Variants in LYRM4 observed in about 807,000 individuals in gnomAD.
LYRM4 encodes LYR motif containing 4.
A neutral mutation model predicts 11.7 loss-of-function variants in LYRM4; 9 were observed. The observed-to-expected ratio is 0.77, with a 90% CI of 0.46 to 1.34. LYRM4 has a LOEUF of 1.34. Ranked by LOEUF, LYRM4 falls within the 40% of genes most tolerant of loss-of-function variation. The pLI is 0.00. For missense variants in LYRM4, 133 were observed against 112.5 expected, an observed-to-expected ratio of 1.18 and a Z score of -0.82; for synonymous variants, 42 against 40.4, an observed-to-expected ratio of 1.04 and a Z score of -0.15.
intron 2 of LYRM4, among the ~76,000 whole-genome samples, chr6:5,206,167 G>A (rs1761684913): frequency 6.6e-6 from 1 of 152,170 alleles, no homozygotes. Flanking sequence ...CATTCACCAG[G>A]GTGTTTCTGG....
chr6:5,206,378 C>A (rs775835968), intron 2 of LYRM4, among the ~76,000 whole-genome samples: 1 of 152,226 alleles, frequency 6.6e-6, no homozygotes, highest in South Asian at 2.1e-4. Flanking sequence ...TTATTGGGCC[C>A]CCATGGCCTA....
chr6:5,144,333 C>G (rs1032409646), intron 2 of LYRM4: 4 of 1,519,250 alleles, frequency 2.6e-6, no homozygotes, highest in Non-Finnish European at 3.5e-6. Context: ...AAGTGGCTTA[C>G]GTGTAAGAAA....
At chr6:5,239,485 G>A (rs1763741691) in intron 1 of LYRM4, among the ~76,000 whole-genome samples, 1 of 152,014 alleles carries the variant, frequency 6.6e-6, no homozygotes, top group Non-Finnish European at 1.5e-5. Flanking sequence ...ATGAGTTGTG[G>A]GCATCTAGGG....
chr6:5,047,710 C>A, the LYRM4 span, among the ~76,000 whole-genome samples: 1 of 152,012 alleles, frequency 6.6e-6, no homozygotes, highest in Non-Finnish European at 1.5e-5. Flanking sequence ...GTGACATATT[C>A]AAAAAACCAA....
At chr6:5,155,358 G>C (rs1387381842) in intron 2 of LYRM4, among the ~76,000 whole-genome samples, 1 of 152,218 alleles carries the variant, frequency 6.6e-6, no homozygotes, top group Non-Finnish European at 1.5e-5. Context: ...TGGGATTACA[G>C]GTGTGAGCCT....
intron 1 of LYRM4, among the ~76,000 whole-genome samples, chr6:5,230,090 A>G (rs1763143468): frequency 6.6e-6 from 1 of 152,254 alleles, no homozygotes; most frequent in African/African-American, 2.4e-5. Flanking sequence ...TTAGGCATGC[A>G]GATCAAGCAG....
chr6:5,250,484 C>T (rs988104492), intron 1 of LYRM4, among the ~76,000 whole-genome samples: 1 of 151,934 alleles, frequency 6.6e-6, no homozygotes, highest in Non-Finnish European at 1.5e-5. Context: ...TTTTTTGAAA[C>T]CATTATCATT....
chr6:5,062,081 CTTT>C, the LYRM4 span, among the ~76,000 whole-genome samples: 658 of 117,198 alleles, frequency 5.6e-3, 2 homozygotes, highest in African/African-American at 0.02. Flanking sequence ...CTTCCTTCTT[CTTT>C]TTTTTTTTTT....
At chr6:5,113,745 T>G (rs1207594133) in intron 2 of LYRM4, among the ~76,000 whole-genome samples, 1 of 152,112 alleles carries the variant, frequency 6.6e-6, no homozygotes, top group Admixed American at 6.5e-5. Context: ...CTTTTTTTTT[T>G]TTTTAGAGAC....
At chr6:5,238,162 C>G (rs1287591756) in intron 1 of LYRM4, among the ~76,000 whole-genome samples, 1 of 152,128 alleles carries the variant, frequency 6.6e-6, no homozygotes, top group African/African-American at 2.4e-5. Flanking sequence ...ACAAACAATT[C>G]TGATCTGTGG....
intron 1 of LYRM4, among the ~76,000 whole-genome samples, chr6:5,259,168 C>G (rs1288238470): frequency 6.6e-6 from 1 of 152,210 alleles, no homozygotes; most frequent in East Asian, 1.9e-4. Flanking sequence ...AGTGTGTGAA[C>G]TGCCTGCTGA....
At chr6:5,229,240 GA>G (rs770673683) in intron 1 of LYRM4, among the ~76,000 whole-genome samples, 1 of 152,130 alleles carries the variant, frequency 6.6e-6, no homozygotes, top group African/African-American at 2.4e-5. Flanking sequence ...GGAAGTTTGA[GA>G]AGAGCCTCGT....
intron 2 of LYRM4, among the ~76,000 whole-genome samples, chr6:5,203,353 C>G (rs753801267): frequency 1.3e-5 from 2 of 152,212 alleles, no homozygotes; most frequent in Non-Finnish European, 2.9e-5. Context: ...AGTCTGCTGC[C>G]TGGGACAGCT....
chr6:5,162,018 C>G (rs1453939518), intron 2 of LYRM4, among the ~76,000 whole-genome samples: 1 of 152,096 alleles, frequency 6.6e-6, no homozygotes, highest in African/African-American at 2.4e-5. Flanking sequence ...ACAACAACCC[C>G]CAGAAAAAAA....
chr6:5,164,885 T>C (rs1428497856), intron 2 of LYRM4, among the ~76,000 whole-genome samples: 1 of 151,174 alleles, frequency 6.6e-6, no homozygotes, highest in Non-Finnish European at 1.5e-5. Flanking sequence ...GGAGAATCGC[T>C]TGAACCTGGG....
At chr6:5,059,544 G>A in the LYRM4 span, among the ~76,000 whole-genome samples, 8 of 152,094 alleles carry the variant, frequency 5.3e-5, no homozygotes, top group African/African-American at 1.7e-4. Context: ...AATTCTTGTC[G>A]CAGGAAGAGG....
chr6:5,252,462 C>T (rs1489450224), intron 1 of LYRM4, among the ~76,000 whole-genome samples: 1 of 152,194 alleles, frequency 6.6e-6, no homozygotes, highest in Non-Finnish European at 1.5e-5. Context: ...CAATTACCCA[C>T]GTCTGGTTCT....
intron 1 of LYRM4, among the ~76,000 whole-genome samples, chr6:5,222,694 T>A (rs1347514939): frequency 6.7e-6 from 1 of 150,042 alleles, no homozygotes; most frequent in African/African-American, 2.5e-5. Context: ...GTAAGATGAC[T>A]ATTAAAGTAA....
intron 2 of LYRM4, among the ~76,000 whole-genome samples, chr6:5,203,076 G>A (rs1354215244): frequency 6.6e-6 from 1 of 152,126 alleles, no homozygotes. Flanking sequence ...ACATGCACAC[G>A]TGAAATCTGT....
Sources: allele counts gnomAD v4.1 joint callset (sites outside exome capture counted in the v4.1 genomes callset), GRCh38; gene constraint gnomAD v4.1.1; transcripts MANE v1.5; gene names NCBI Gene and HGNC (gene_info 2026-07-23, HGNC 2026-07-21).